INO80: variants seen among roughly 807,000 people sequenced by gnomAD.
INO80 encodes chromatin-remodeling ATPase INO80.
Under a neutral mutation model 203.4 loss-of-function variants are expected in INO80, and 20 were observed. That is an observed-to-expected ratio of 0.10 (90% CI 0.07 to 0.14). INO80 has a LOEUF of 0.14. INO80 is among the 10% of genes least tolerant of loss of function. The pLI is 1.00. For missense variants in INO80, 1,419 were observed against 1,914.4 expected (o/e 0.74, Z 4.83); for synonymous variants, 726 against 685.2 (o/e 1.06, Z -0.93).
chr15:41,058,535 A>C, intron 16 of INO80, 104 bp downstream of exon 16: 2 of 983,616 alleles, frequency 2.0e-6, no homozygotes, highest in Non-Finnish European at 2.9e-6. Context: ...TCTTGATTTT[A>C]TTCATATATA....
intron 1 of INO80, among the ~76,000 whole-genome samples, chr15:41,101,623 C>G (rs1008057228): frequency 2.0e-5 from 3 of 151,194 alleles, no homozygotes; most frequent in Non-Finnish European, 4.4e-5. Context: ...GATCTCTGCT[C>G]ACTGCAAGCT....
At chr15:40,989,948 CA>C in intron 29 of INO80, among the ~76,000 whole-genome samples, 1 of 152,260 alleles carries the variant, frequency 6.6e-6, no homozygotes, top group South Asian at 2.1e-4. Flanking sequence ...AGGTTTAGTT[CA>C]AGCTTCTAGG....
intron 19 of INO80, among the ~76,000 whole-genome samples, chr15:41,052,674 CAAAAA>C (rs60685375): frequency 0.065 from 6,873 of 106,468 alleles, 232 homozygotes; most frequent in African/African-American, 0.19. Flanking sequence ...CCTTGTCTTA[CAAAAA>C]AAAAAAAAAA....
At chr15:41,112,589 C>A (rs368407080) in intron 1 of INO80, among the ~76,000 whole-genome samples, 1 of 151,968 alleles carries the variant, frequency 6.6e-6, no homozygotes, top group East Asian at 2.0e-4. Context: ...GAGATCGAGA[C>A]CATCCTGGCC....
At chr15:41,105,335 T>C (rs1326338675) in intron 1 of INO80, among the ~76,000 whole-genome samples, 1 of 152,206 alleles carries the variant, frequency 6.6e-6, no homozygotes, top group Non-Finnish European at 1.5e-5. Context: ...AATGTCCCTA[T>C]TTTCTCAAAT....
intron 9 of INO80, among the ~76,000 whole-genome samples, chr15:41,078,974 C>T (rs1198800259): frequency 6.6e-6 from 1 of 152,114 alleles, no homozygotes; most frequent in African/African-American, 2.4e-5. Flanking sequence ...AACCCTGTCT[C>T]TACTAAAAAT....
At chr15:41,114,061 G>A (rs1289395170) in intron 1 of INO80, among the ~76,000 whole-genome samples, 1 of 152,080 alleles carries the variant, frequency 6.6e-6, no homozygotes, top group Non-Finnish European at 1.5e-5. Context: ...GAGGTCAGGG[G>A]CTCGAGACCA....
At chr15:41,048,397 G>T in intron 21 of INO80, 121 bp from the exon 22 acceptor site, 1 of 705,070 alleles carries the variant, frequency 1.4e-6, no homozygotes. Context: ...CTTTTAAGAA[G>T]TTTCTTGCCA....
chr15:41,058,428 A>T (rs74014744), intron 16 of INO80, among the ~76,000 whole-genome samples: 4,209 of 152,218 alleles, frequency 0.028, 186 homozygotes, highest in African/African-American at 0.096. Context: ...GGGGAGGCCG[A>T]TGCGAGAGGA....
chr15:40,987,473 A>C (rs1351002493), intron 30 of INO80, among the ~76,000 whole-genome samples: 1 of 152,248 alleles, frequency 6.6e-6, no homozygotes, highest in Non-Finnish European at 1.5e-5. Flanking sequence ...AATTTGGCAT[A>C]CAATTCAGAG....
chr15:41,098,961 A>C (rs919231337), intron 1 of INO80, among the ~76,000 whole-genome samples: 3 of 152,002 alleles, frequency 2.0e-5, no homozygotes, highest in Non-Finnish European at 4.4e-5. Context: ...AATAAAAAAG[A>C]CAGGCTAGAC....
At chr15:41,097,957 AAACAAC>A (rs769190530) in intron 1 of INO80, among the ~76,000 whole-genome samples, 5 of 151,990 alleles carry the variant, frequency 3.3e-5, no homozygotes, top group South Asian at 2.1e-4. Context: ...CCATCTCAAA[AAACAAC>A]AACAACAACA....
chr15:41,022,063 C>T (rs898554774), intron 25 of INO80, among the ~76,000 whole-genome samples: 1 of 152,298 alleles, frequency 6.6e-6, no homozygotes, highest in East Asian at 1.9e-4. Context: ...GTTGAATATC[C>T]CTAATCTGAA....
At chr15:41,043,709 A>T (rs996911361) in intron 24 of INO80, among the ~76,000 whole-genome samples, 1 of 152,208 alleles carries the variant, frequency 6.6e-6, no homozygotes, top group South Asian at 2.1e-4. Flanking sequence ...CTGAAGGACT[A>T]TAACAAAGAA....
intron 1 of INO80, among the ~76,000 whole-genome samples, chr15:41,109,556 G>A (rs2045929976): frequency 6.6e-6 from 1 of 152,098 alleles, no homozygotes; most frequent in African/African-American, 2.4e-5. Flanking sequence ...TGGGAGGTTG[G>A]GAGGCTGAGG....
At chr15:40,996,779 C>CA (rs1422546615) in intron 29 of INO80, among the ~76,000 whole-genome samples, 2 of 152,048 alleles carry the variant, frequency 1.3e-5, no homozygotes, top group African/African-American at 4.8e-5. Flanking sequence ...GTTCAGGATA[C>CA]AAAAAATGGG....
At chr15:40,994,044 T>C (rs1359657410) in intron 29 of INO80, among the ~76,000 whole-genome samples, 1 of 152,216 alleles carries the variant, frequency 6.6e-6, no homozygotes, top group African/African-American at 2.4e-5. Flanking sequence ...CTAACCCCTA[T>C]ATGATCTGCT....
At chr15:40,990,780 G>C (rs1410666864) in intron 29 of INO80, among the ~76,000 whole-genome samples, 1 of 152,158 alleles carries the variant, frequency 6.6e-6, no homozygotes, top group South Asian at 2.1e-4. Flanking sequence ...TGAACTTTCA[G>C]GGAGAACAGA....
At chr15:41,081,129 T>TTCTACATAGTCTTA in intron 7 of INO80, 56 bp from the exon 8 acceptor site, 1 of 1,116,668 alleles carries the variant, frequency 9.0e-7, no homozygotes, top group Non-Finnish European at 1.4e-6. Flanking sequence ...ACTAAGACTA[T>TTCTACATAGTCTTA]GTAGAATGAA....
Sources: gnomAD v4.1 joint callset for allele counts (sites outside exome capture counted in the v4.1 genomes callset) on GRCh38, gnomAD v4.1.1 for gene constraint, MANE v1.5 for transcripts, NCBI Gene and HGNC (gene_info 2026-07-23, HGNC 2026-07-21) for gene names.